SPTA1: variants seen among roughly 807,000 people sequenced by gnomAD.
The protein encoded by SPTA1 is spectrin alpha, erythrocytic 1.
In SPTA1, 177 loss-of-function variants were observed where a neutral mutation model predicts 324.7. The ratio of observed to expected loss-of-function variants is 0.55; its 90% confidence interval spans 0.48 to 0.62. The LOEUF (loss-of-function observed/expected upper bound fraction) is 0.62. Ranked by LOEUF, SPTA1 falls within the 20% of genes least tolerant of loss-of-function variation. The pLI, the probability that SPTA1 is intolerant of heterozygous loss-of-function variation, is 0.00. For synonymous variants in SPTA1, 1,195 were observed against 1,041.3 expected (o/e 1.15, Z -2.84); for missense variants, 3,162 against 2,883.6 (o/e 1.10, Z -2.21).
In SPTA1 at chr1:158,643,551, T is replaced by C. The variant is rs376856911; in HGVS notation, c.4339-126A>G. ...TTCAGAAGATATACTCAGGGTCAAA[T>C]AATATATGCCTTACAGGGAGGTGGG... On this transcript the variant is annotated intron_variant, in intron 30 of 51. Transcript: ENST00000643759. The C allele has an allele frequency of 2.3e-4, 210 of 909,522 alleles. No homozygotes were observed. The African/African-American group carries it at 2.9e-3, about 13-fold the overall frequency. The allele number at this position is 909,522 out of a possible 1,614,324, so 56.3% of individuals were successfully genotyped here. A position where few individuals can be genotyped will look rare whatever the true frequency, so the allele number is the denominator to read the frequency against.
intron 17 of SPTA1, 68 bp downstream of exon 17, chr1:158,662,634 C>G: frequency 6.2e-7 from 1 of 1,608,952 alleles, no homozygotes; most frequent in Non-Finnish European, 8.5e-7. Flanking sequence ...CTACTGTACC[C>G]CAGATCTCTC....
intron 39 of SPTA1, among the ~76,000 whole-genome samples, chr1:158,633,424 G>T (rs12752394): frequency 0.07 from 10,640 of 152,088 alleles, 492 homozygotes; most frequent in Non-Finnish European, 0.11. Flanking sequence ...ACTTTGGGAG[G>T]CTGAGGTGGG....
chr1:158,614,437 C>A (rs1299780376), intron 48 of SPTA1, 131 bp from the exon 49 acceptor site: 1 of 694,366 alleles, frequency 1.4e-6, no homozygotes, highest in Non-Finnish European at 2.5e-6. Flanking sequence ...CAAGAGTTGG[C>A]AAACTATAGT....
intron 27 of SPTA1, among the ~76,000 whole-genome samples, chr1:158,646,836 C>T (rs1652029366): frequency 6.6e-6 from 1 of 152,122 alleles, no homozygotes; most frequent in Non-Finnish European, 1.5e-5. Context: ...CTCTAATGCT[C>T]CTCTCAGCTG....
chr1:158,627,778 C>G, intron 39 of SPTA1, 55 bp from the exon 40 acceptor site: 1 of 1,533,458 alleles, frequency 6.5e-7, no homozygotes, highest in Non-Finnish European at 9.0e-7. Context: ...AATCTATATT[C>G]ACTCATATTC....
At chr1:158,632,117 A>G (rs1354085467) in intron 39 of SPTA1, among the ~76,000 whole-genome samples, 5 of 152,194 alleles carry the variant, frequency 3.3e-5, no homozygotes, top group Admixed American at 2.6e-4. Flanking sequence ...TTATTCTTAA[A>G]AAATAAGAAA....
chr1:158,653,250 A>T, intron 22 of SPTA1, 24 bp downstream of exon 22: 1 of 1,614,060 alleles, frequency 6.2e-7, no homozygotes, highest in Non-Finnish European at 8.5e-7. Context: ...AATACTGTTC[A>T]GTTCTCCAGG....
rs1651835819 is a variant in SPTA1, at chr1:158,644,329, T to C, written c.4262A>G (p.Asp1421Gly). Residue 1421 changes from aspartate to glycine, a missense_variant, in exon 30 of 52, where the codon GAT becomes GGT. Coordinates refer to ENST00000643759, the MANE Select transcript of SPTA1 (RefSeq NM_003126.4). The stretch of plus-strand genomic sequence containing the variant: ...CAGACTGTCTAAGGAACTTTTGTCA[T>C]CTGACCTCAGGGAATTCTCACGTGC... Reference protein sequence around the residue: ...MVARENSLRSDDKSSLDSLEA... With the variant: ...MVARENSLRSGDKSSLDSLEA... 6.2e-7 allele frequency: 1 copy of C among 1,613,948 alleles called. No individual in the cohort carries two copies. The highest frequency in any genetic ancestry group is 2.2e-5 in the East Asian group (1 of 44,874).
At chr1:158,684,702 A>G (rs1655044133) in intron 2 of SPTA1, among the ~76,000 whole-genome samples, 1 of 152,128 alleles carries the variant, frequency 6.6e-6, no homozygotes, top group Non-Finnish European at 1.5e-5. Flanking sequence ...AAATTGATGT[A>G]ATTTTTTACT....
At chr1:158,658,845 T>C (rs1035747902) in intron 18 of SPTA1, among the ~76,000 whole-genome samples, 12 of 152,084 alleles carry the variant, frequency 7.9e-5, no homozygotes, top group African/African-American at 2.7e-4. Flanking sequence ...AGACAGCACA[T>C]CTTTAAAATA....
chr1:158,675,779 T>C (rs1654353094), intron 8 of SPTA1, among the ~76,000 whole-genome samples: 1 of 152,204 alleles, frequency 6.6e-6, no homozygotes, highest in Non-Finnish European at 1.5e-5. Context: ...AGCACATATA[T>C]GCTGGACAAA....
chr1:158,667,833 T>C, intron 15 of SPTA1, 25 bp downstream of exon 15: 5 of 1,611,954 alleles, frequency 3.1e-6, no homozygotes, highest in Non-Finnish European at 4.2e-6. Flanking sequence ...GAAAATGACC[T>C]TTCACCAAAA....
chr1:158,611,161 ACAC>A lies in SPTA1; in HGVS notation c.*100_*102del. ...CACACACACACACACACACACACAC[ACAC>A]ACGAGGCCATCTTTATCTTCCACAT... is the stretch of plus-strand genomic sequence containing the variant. On this transcript the variant is annotated 3_prime_UTR_variant, in exon 52 of 52. Coordinates refer to ENST00000643759, the MANE Select transcript of SPTA1 (RefSeq NM_003126.4). 1 of 1,409,612 alleles carries A rather than the reference ACAC, an allele frequency of 7.1e-7. No individual in the cohort carries two copies. The highest frequency in any genetic ancestry group is 1.0e-6 in the Non-Finnish European group (1 of 1,003,556). The allele number at this position is 1,409,612 out of a possible 1,614,324, so 87.3% of individuals were successfully genotyped here.
At chr1:158,639,235 T>C in intron 35 of SPTA1, 1 of 287,124 alleles carries the variant, frequency 3.5e-6, no homozygotes, top group Non-Finnish European at 6.7e-6. Context: ...GATTTTTTGT[T>C]TGTAATTCTA....
intron 39 of SPTA1, among the ~76,000 whole-genome samples, chr1:158,633,617 C>T (rs368885686): frequency 1.4e-5 from 2 of 147,072 alleles, no homozygotes; most frequent in East Asian, 4.0e-4. Flanking sequence ...GCCAAGATCA[C>T]TCCACTGCAC....
intron 48 of SPTA1, chr1:158,614,713 T>G (rs937498605): frequency 1.0e-5 from 2 of 194,306 alleles, no homozygotes; most frequent in African/African-American, 4.7e-5. Context: ...GTTAAATTAT[T>G]TATTATCAGA....
Position 158,620,383 on chromosome 1 carries a change from C to T in SPTA1, c.6204G>A (p.Glu2068=), listed in dbSNP as rs1649830309. The T allele has an allele frequency of 1.2e-5, 20 of 1,613,914 alleles. No individual in the cohort carries two copies. The highest frequency in any genetic ancestry group is 1.6e-5 in the Non-Finnish European group (19 of 1,180,030). ...CATTCAGGGAGACACAGTGCACAGG[C>T]TCTGACAAGTTTTCTTCCATCTTTT... ...WCEKMEENLS[E]PVHCVSLNEI... is the part of the protein sequence containing the mutation. The change falls in exon 44 of 52, where the codon GAG becomes GAA. Residue 2068 remains glutamate (E), a synonymous_variant. Transcript: ENST00000643759.
At chr1:158,636,995 T>C (rs1651133957) in intron 36 of SPTA1, among the ~76,000 whole-genome samples, 1 of 152,196 alleles carries the variant, frequency 6.6e-6, no homozygotes, top group South Asian at 2.1e-4. Context: ...TAGTCACAAC[T>C]GTAACAGCCT....
rs536757138 is a variant in SPTA1 at position 158,646,197 on chromosome 1, C to T, written c.3897-603G>A. Among the ~76,000 whole-genome samples the T allele has an allele frequency of 5.9e-5, 9 of 152,266 alleles. No individual in the cohort carries two copies. In the South Asian group the frequency reaches 1.2e-3, roughly 21 times the overall value. On this transcript the variant is annotated intron_variant, in intron 27 of 51. Transcript: ENST00000643759. ...CCCTTTTAGTAGTCAGGAAGTTAGA[C>T]GAGCAAAACTAAGGTCTATCTTCTT... is the stretch of plus-strand genomic sequence containing the variant.
Sources: gnomAD v4.1 joint callset for allele counts (sites outside exome capture counted in the v4.1 genomes callset) on GRCh38, gnomAD v4.1.1 for gene constraint, MANE v1.5 for transcripts, NCBI Gene and HGNC (gene_info 2026-07-23, HGNC 2026-07-21) for gene names.